NEGR1: variants seen among roughly 807,000 people sequenced by gnomAD.
The protein encoded by NEGR1 is neuronal growth regulator 1, also known as IgLON family member 4.
Under a neutral mutation model 40.9 loss-of-function variants are expected in NEGR1, and 10 were observed. The observed-to-expected ratio is 0.24, with a 90% CI of 0.15 to 0.42. The LOEUF (loss-of-function observed/expected upper bound fraction) is 0.42, where lower values mean the gene tolerates loss of function less well. Ranked by LOEUF, NEGR1 falls within the 10% of genes least tolerant of loss-of-function variation. NEGR1 has a pLI of 1.00. For synonymous variants in NEGR1, 185 were observed against 166.8 expected (o/e 1.11, Z -0.84); for missense variants, 352 against 438.9 (o/e 0.80, Z 1.77).
chr1:71,975,145 T>C (rs1051200515), intron 1 of NEGR1, among the ~76,000 whole-genome samples: 1 of 152,152 alleles, frequency 6.6e-6, no homozygotes, highest in Admixed American at 6.5e-5. Context: ...AAGAAGCACA[T>C]AAAGGATTTC....
intron 1 of NEGR1, among the ~76,000 whole-genome samples, chr1:72,169,269 T>A (rs1651877676): frequency 6.6e-6 from 1 of 152,002 alleles, no homozygotes; most frequent in African/African-American, 2.4e-5. Context: ...ATCAGATCTT[T>A]CAAAATCATA....
At chr1:71,846,950 A>C (rs1659438567) in intron 2 of NEGR1, among the ~76,000 whole-genome samples, 1 of 152,156 alleles carries the variant, frequency 6.6e-6, no homozygotes, top group Non-Finnish European at 1.5e-5. Flanking sequence ...TAGGGACACA[A>C]ATTTTCAGAC....
rs36031544 is a variant in NEGR1, at chr1:71,963,091, ATTTTTTT to A, written c.177-27787_177-27781del. On this transcript the variant is annotated intron_variant, in intron 1 of 6. Transcript: ENST00000357731. ...AGAGTATTTTTCTGTATCGATATCT[ATTTTTTT>A]TTAAAAGTTGTTAACAGAAATAGGG... 4.6e-5 allele frequency among the ~76,000 whole-genome samples: 7 copies of A among 151,234 alleles called. No homozygotes were observed. In the Middle Eastern group the frequency reaches 0.01, roughly 222 times the overall value.
chr1:72,239,350 T>C (rs973674224), intron 1 of NEGR1, among the ~76,000 whole-genome samples: 4 of 151,858 alleles, frequency 2.6e-5, no homozygotes, highest in African/African-American at 7.2e-5. Flanking sequence ...TTCTGTTTAG[T>C]TGATATTTTT....
At chr1:71,488,476 G>A (rs979883703) in intron 6 of NEGR1, among the ~76,000 whole-genome samples, 1 of 151,698 alleles carries the variant, frequency 6.6e-6, no homozygotes, top group African/African-American at 2.4e-5. Context: ...TTTCAAGTTT[G>A]AGATTCTGAA....
chr1:71,739,800 A>G (rs1215026277), intron 3 of NEGR1, among the ~76,000 whole-genome samples: 2 of 152,136 alleles, frequency 1.3e-5, no homozygotes, highest in African/African-American at 2.4e-5. Flanking sequence ...TCTATTCCCT[A>G]TAGGTTTTGT....
At chr1:71,537,829 T>C (rs927898578) in intron 6 of NEGR1, among the ~76,000 whole-genome samples, 6 of 151,720 alleles carry the variant, frequency 4.0e-5, no homozygotes, top group African/African-American at 1.2e-4. Context: ...ATTGGAGTCA[T>C]TAACTTGTAA....
intron 6 of NEGR1, among the ~76,000 whole-genome samples, chr1:71,566,485 C>A (rs138088323): frequency 0.011 from 1,732 of 152,216 alleles, 30 homozygotes; most frequent in Admixed American, 0.028. Context: ...TGCATCTTCT[C>A]ATTTATTCAT....
chr1:72,208,770 G>A (rs1653496776), intron 1 of NEGR1, among the ~76,000 whole-genome samples: 1 of 151,140 alleles, frequency 6.6e-6, no homozygotes, highest in East Asian at 1.9e-4. Flanking sequence ...AGTTTATTTA[G>A]GCTACTTTGT....
intron 6 of NEGR1, among the ~76,000 whole-genome samples, chr1:71,424,551 G>A (rs77945211): frequency 0.012 from 1,786 of 152,240 alleles, 44 homozygotes; most frequent in African/African-American, 0.041. Context: ...CAAGTTAGTT[G>A]ACCTTAAAAT....
intron 2 of NEGR1, among the ~76,000 whole-genome samples, chr1:71,820,780 A>C (rs1658403018): frequency 6.6e-6 from 1 of 152,010 alleles, no homozygotes. Context: ...TAGCGAATCA[A>C]AATCACTATT....
chr1:71,907,127 A>G (rs1661298434), intron 2 of NEGR1, among the ~76,000 whole-genome samples: 1 of 152,184 alleles, frequency 6.6e-6, no homozygotes, highest in Admixed American at 6.6e-5. Flanking sequence ...ATCAATGTTT[A>G]CAAGAGAAAA....
At chr1:71,498,369 A>G (rs985106999) in intron 6 of NEGR1, among the ~76,000 whole-genome samples, 5 of 151,946 alleles carry the variant, frequency 3.3e-5, no homozygotes, top group African/African-American at 1.2e-4. Context: ...TATCCTTTTA[A>G]CAGAAAAGCC....
chr1:71,982,164 G>C (rs1646359814), intron 1 of NEGR1, among the ~76,000 whole-genome samples: 1 of 152,120 alleles, frequency 6.6e-6, no homozygotes, highest in African/African-American at 2.4e-5. Context: ...TTTCAAAAAA[G>C]GAAATCTCTC....
chr1:71,801,830 G>T (rs1657573561), intron 2 of NEGR1, among the ~76,000 whole-genome samples: 1 of 152,140 alleles, frequency 6.6e-6, no homozygotes. Context: ...GCAGAAATAA[G>T]GACATTAAAG....
chr1:71,872,835 A>G (rs936391593), intron 2 of NEGR1, among the ~76,000 whole-genome samples: 6 of 152,140 alleles, frequency 3.9e-5, no homozygotes, highest in Non-Finnish European at 8.8e-5. Flanking sequence ...ATGGTACAGT[A>G]GCCAACATTA....
chr1:72,177,892 C>T (rs1029787871), intron 1 of NEGR1, among the ~76,000 whole-genome samples: 3 of 151,852 alleles, frequency 2.0e-5, no homozygotes, highest in Non-Finnish European at 4.4e-5. Context: ...ATAAGGTCTC[C>T]ATTGAGAAGA....
intron 1 of NEGR1, among the ~76,000 whole-genome samples, chr1:72,238,931 G>A (rs1226523104): frequency 1.3e-5 from 2 of 151,730 alleles, no homozygotes; most frequent in Non-Finnish European, 2.9e-5. Context: ...CATACTTATG[G>A]AATAAAAGAC....
intron 6 of NEGR1, among the ~76,000 whole-genome samples, chr1:71,510,991 T>A (rs1029473173): frequency 1.3e-5 from 2 of 152,200 alleles, no homozygotes; most frequent in Non-Finnish European, 2.9e-5. Flanking sequence ...TTAGTAAAAC[T>A]CTTGAGGCCT....
Sources: gnomAD v4.1 joint callset for allele counts (sites outside exome capture counted in the v4.1 genomes callset) on GRCh38, gnomAD v4.1.1 for gene constraint, MANE v1.5 for transcripts, NCBI Gene and HGNC (gene_info 2026-07-23, HGNC 2026-07-21) for gene names.